The following ELMO1 variants were observed in gnomAD, a reference collection of about 807,000 sequenced individuals.
ELMO1 encodes engulfment and cell motility protein 1.
In ELMO1, 26 loss-of-function variants were observed where a neutral mutation model predicts 98.9. That is an observed-to-expected ratio of 0.26 (90% CI 0.19 to 0.36). The LOEUF is 0.36. ELMO1 is among the 10% of genes least tolerant of loss of function. The pLI is 1.00. For missense variants in ELMO1, 627 were observed against 935.2 expected, an observed-to-expected ratio of 0.67 and a Z score of 4.30; for synonymous variants, 346 against 346.0, an observed-to-expected ratio of 1.00 and a Z score of 0.00.
intron 4 of ELMO1, among the ~76,000 whole-genome samples, chr7:37,297,313 G>T (rs1798083186): frequency 6.6e-6 from 1 of 152,060 alleles, no homozygotes; most frequent in African/African-American, 2.4e-5. Flanking sequence ...TTGCTGAAAT[G>T]GAACTTTCTT....
At chr7:36,968,953 T>C (rs950809382) in intron 16 of ELMO1, among the ~76,000 whole-genome samples, 1 of 152,170 alleles carries the variant, frequency 6.6e-6, no homozygotes, top group Non-Finnish European at 1.5e-5. Flanking sequence ...ATGTTCTCAC[T>C]GTCATCATTT....
Position 37,259,284 on chromosome 7 carries a change from G to A in ELMO1, c.310C>T (p.Leu104=), listed in dbSNP as rs780364509. 1 of 1,614,138 alleles carries A rather than the reference G, an allele frequency of 6.2e-7. No individual in the cohort carries two copies. The highest frequency in any genetic ancestry group is 8.5e-7 in the Non-Finnish European group (1 of 1,180,004). Residue 104 remains leucine (L), a synonymous_variant, in exon 6 of 22, where the codon CTG becomes TTG. Coordinates refer to ENST00000310758, the MANE Select transcript of ELMO1 (RefSeq NM_014800.11). ...SSSMDAKLEA[L]KDLASLSRDV... is the part of the protein sequence containing the mutation. ...CGGGAGAGGCTGGCCAAGTCCTTCA[G>A]GGCTTCCAGCTTGGCATCCATACTC...
chr7:37,350,645 T>G (rs577882525), intron 1 of ELMO1, among the ~76,000 whole-genome samples: 12 of 152,358 alleles, frequency 7.9e-5, no homozygotes, highest in Admixed American at 1.3e-4. Flanking sequence ...GCCTCTTTAG[T>G]ATGAGAACTG....
At chr7:37,229,283 G>GT (rs139226113) in intron 8 of ELMO1, among the ~76,000 whole-genome samples, 23 of 151,352 alleles carry the variant, frequency 1.5e-4, no homozygotes, top group Non-Finnish European at 7.4e-5. Flanking sequence ...AACACCTAAA[G>GT]TTTTTTTTTC....
At chr7:36,986,714 A>G (rs1005336208) in intron 16 of ELMO1, among the ~76,000 whole-genome samples, 3 of 152,080 alleles carry the variant, frequency 2.0e-5, no homozygotes, top group African/African-American at 7.2e-5. Flanking sequence ...CTCTTCACAC[A>G]CAGTTTTTGT....
chr7:36,885,286 GA>G (rs1469840931), intron 18 of ELMO1, among the ~76,000 whole-genome samples: 1 of 151,536 alleles, frequency 6.6e-6, no homozygotes, highest in Non-Finnish European at 1.5e-5. Context: ...TAGAAAATTG[GA>G]AAAATTTATA....
At chr7:37,095,165 AAC>A (rs1319601136) in intron 15 of ELMO1, among the ~76,000 whole-genome samples, 1 of 152,164 alleles carries the variant, frequency 6.6e-6, no homozygotes, top group Non-Finnish European at 1.5e-5. Context: ...TGCCTGGTAG[AAC>A]ACCACTACTC....
chr7:37,088,016 C>A (rs375812178), intron 15 of ELMO1, among the ~76,000 whole-genome samples: 1 of 152,122 alleles, frequency 6.6e-6, no homozygotes, highest in South Asian at 2.1e-4. Context: ...GTTAAGAAGA[C>A]AATGGGAGCC....
chr7:37,383,322 A>G (rs994276162), intron 1 of ELMO1, among the ~76,000 whole-genome samples: 2 of 152,226 alleles, frequency 1.3e-5, no homozygotes, highest in African/African-American at 4.8e-5. Context: ...GAGTACAGAA[A>G]AAATCACAAA....
At chr7:37,027,660 AG>A (rs781614854) in intron 15 of ELMO1, among the ~76,000 whole-genome samples, 37 of 152,172 alleles carry the variant, frequency 2.4e-4, no homozygotes, top group South Asian at 1.4e-3. Context: ...TAAACAAGTG[AG>A]GGTGGCAAGG....
At chr7:37,289,669 G>A (rs1161093339) in intron 4 of ELMO1, among the ~76,000 whole-genome samples, 2 of 152,292 alleles carry the variant, frequency 1.3e-5, no homozygotes, top group African/African-American at 4.8e-5. Context: ...ATGGGATCTG[G>A]ACTGACAGCT....
At chr7:37,275,592 C>G (rs1222439867) in intron 4 of ELMO1, among the ~76,000 whole-genome samples, 1 of 152,150 alleles carries the variant, frequency 6.6e-6, no homozygotes, top group African/African-American at 2.4e-5. Context: ...GAAACGGACG[C>G]AGGCACTGCA....
chr7:37,236,741 T>C (rs947846673), intron 7 of ELMO1, among the ~76,000 whole-genome samples: 2 of 152,158 alleles, frequency 1.3e-5, no homozygotes, highest in South Asian at 4.1e-4. Flanking sequence ...AGGATGGCCA[T>C]GCTAAAATTT....
intron 16 of ELMO1, among the ~76,000 whole-genome samples, chr7:36,976,178 G>A (rs2129139576): frequency 6.6e-6 from 1 of 152,230 alleles, no homozygotes; most frequent in Admixed American, 6.5e-5. Context: ...CCAGGGAGTG[G>A]GCCATATTTG....
chr7:37,310,650 C>G (rs985547291), intron 4 of ELMO1, among the ~76,000 whole-genome samples: 13 of 152,124 alleles, frequency 8.5e-5, no homozygotes, highest in African/African-American at 3.1e-4. Flanking sequence ...GAGGCAGTTA[C>G]CATTAGGATC....
chr7:37,164,622 AG>A (rs979829364), intron 13 of ELMO1, among the ~76,000 whole-genome samples: 4 of 151,956 alleles, frequency 2.6e-5, no homozygotes, highest in African/African-American at 9.7e-5. Context: ...TGTTTTTCTC[AG>A]GTTTGTCAAA....
intron 16 of ELMO1, among the ~76,000 whole-genome samples, chr7:36,947,157 T>C (rs992884199): frequency 6.6e-6 from 1 of 152,164 alleles, no homozygotes; most frequent in African/African-American, 2.4e-5. Context: ...GTGTCTACTG[T>C]TTCCACTCTT....
intron 7 of ELMO1, among the ~76,000 whole-genome samples, chr7:37,235,955 A>C (rs1374742550): frequency 6.6e-6 from 1 of 152,160 alleles, no homozygotes; most frequent in African/African-American, 2.4e-5. Context: ...AAACAACAAA[A>C]AATACTCTTC....
At chr7:37,407,866 A>C (rs1227076542) in intron 1 of ELMO1, among the ~76,000 whole-genome samples, 1 of 152,228 alleles carries the variant, frequency 6.6e-6, no homozygotes, top group African/African-American at 2.4e-5. Flanking sequence ...TGCTTGTAAC[A>C]AATGTTAATA....
Sources: gnomAD v4.1 joint callset for allele counts (sites outside exome capture counted in the v4.1 genomes callset) on GRCh38, gnomAD v4.1.1 for gene constraint, MANE v1.5 for transcripts, NCBI Gene and HGNC (gene_info 2026-07-23, HGNC 2026-07-21) for gene names.